DSCAM: variants seen among roughly 807,000 people sequenced by gnomAD.
The protein encoded by DSCAM is cell adhesion molecule DSCAM.
In DSCAM, 47 loss-of-function variants were observed where a neutral mutation model predicts 217.7. The observed-to-expected ratio is 0.22, with a 90% CI of 0.17 to 0.28. DSCAM has a LOEUF of 0.28. DSCAM is among the 10% of genes least tolerant of loss of function. DSCAM has a pLI of 1.00. For missense variants in DSCAM, 2,080 were observed against 2,618.3 expected, an observed-to-expected ratio of 0.79 and a Z score of 4.49; for synonymous variants, 1,056 against 1,015.3, an observed-to-expected ratio of 1.04 and a Z score of -0.76.
rs2088055536 is a variant in DSCAM at position 40,011,523 on chromosome 21, CT to C, written c.*1510del. 1 of 152,184 alleles carries C rather than the reference CT, an allele frequency of 6.6e-6. No homozygotes were observed. The highest frequency in any genetic ancestry group is 2.1e-4 in the South Asian group (1 of 4,832). 9.4% of individuals were successfully genotyped at this position (152,184 alleles called of 1,614,324 possible). A position where few individuals can be genotyped will look rare whatever the true frequency, so the allele number is the denominator to read the frequency against. On this transcript the variant is annotated 3_prime_UTR_variant, in exon 33 of 33. Coordinates refer to ENST00000400454, the MANE Select transcript of DSCAM (RefSeq NM_001389.5). ...TCATGTTTTCTGGTTAATGCCAAATCTCTGACACAAAGACCTGTTTATCTTT... is the reference window on the plus strand; with the variant it reads ...TCATGTTTTCTGGTTAATGCCAAATCCTGACACAAAGACCTGTTTATCTTT...
At chr21:40,605,350 G>T (rs1299014693) in intron 3 of DSCAM, among the ~76,000 whole-genome samples, 4 of 152,126 alleles carry the variant, frequency 2.6e-5, no homozygotes, top group African/African-American at 7.2e-5. Flanking sequence ...GATGAATCCA[G>T]AAAAGTCATA....
At chr21:40,487,171 A>G (rs928818962) in intron 3 of DSCAM, among the ~76,000 whole-genome samples, 1 of 151,874 alleles carries the variant, frequency 6.6e-6, no homozygotes, top group Non-Finnish European at 1.5e-5. Context: ...TGACTTATCT[A>G]TGGGTTCATG....
chr21:40,075,149 C>A lies in DSCAM; in HGVS notation c.4776G>T (p.Gly1592=), dbSNP rs773110897. ...QNEEGLTTNE[G]LKMLVTISCI... ...AGGAGATGGTCACCAGCATCTTGAG[C>A]CCCTCGTTGGTCGTCAGCCCTTCTT... The change falls in exon 27 of 33, where the codon GGG becomes GGT. Residue 1592 remains glycine, a synonymous_variant. Transcript: ENST00000400454. 7 of 1,614,076 alleles carry A rather than the reference C, an allele frequency of 4.3e-6. No individual in the cohort carries two copies. The highest frequency in any genetic ancestry group is 3.4e-6 in the Non-Finnish European group (4 of 1,180,040).
At chr21:40,413,111 C>T (rs1482721155) in intron 3 of DSCAM, among the ~76,000 whole-genome samples, 1 of 152,234 alleles carries the variant, frequency 6.6e-6, no homozygotes, top group Non-Finnish European at 1.5e-5. Context: ...ATGGAAATGC[C>T]TGGATGCCCA....
At chr21:40,577,763 A>T (rs462992) in intron 3 of DSCAM, among the ~76,000 whole-genome samples, 14 of 152,024 alleles carry the variant, frequency 9.2e-5, no homozygotes, top group East Asian at 3.9e-4. Flanking sequence ...AGGATAAATG[A>T]TTACAGGAAA....
chr21:40,586,408 A>T (rs950341600), intron 3 of DSCAM, among the ~76,000 whole-genome samples: 3 of 152,228 alleles, frequency 2.0e-5, no homozygotes, highest in Non-Finnish European at 4.4e-5. Flanking sequence ...TGTGTCCCAG[A>T]GACAGAGTTG....
intron 29 of DSCAM, among the ~76,000 whole-genome samples, chr21:40,055,469 C>T (rs531526490): frequency 7.0e-4 from 107 of 152,202 alleles, no homozygotes; most frequent in African/African-American, 2.4e-3. Context: ...TGGATCAGAG[C>T]TGAGGGATTT....
rs1240253673 is a variant in DSCAM at position 40,217,344 on chromosome 21, T to A, written c.2357-28106A>T. Among the ~76,000 whole-genome samples, 3 of 152,232 alleles carry A rather than the reference T, an allele frequency of 2.0e-5. No homozygotes were observed. The East Asian group carries it at 5.8e-4, about 29-fold the overall frequency. ...GCACATTTTCTTCTATCTAAAAAGA[T>A]ATGATTTCTGAGCCTTGTCAACATA... On this transcript the variant is annotated intron_variant, in intron 11 of 32. Transcript: ENST00000400454.
intron 3 of DSCAM, among the ~76,000 whole-genome samples, chr21:40,602,811 C>G (rs1001030206): frequency 6.6e-6 from 1 of 151,850 alleles, no homozygotes; most frequent in Non-Finnish European, 1.5e-5. Flanking sequence ...TACTGGTTTC[C>G]TGGTCTCAAT....
intron 3 of DSCAM, among the ~76,000 whole-genome samples, chr21:40,639,070 C>T (rs932165523): frequency 3.1e-5 from 4 of 130,930 alleles, no homozygotes; most frequent in Admixed American, 8.6e-5. Context: ...CCATAAATAT[C>T]CTGCATTTTT....
chr21:40,400,210 G>A (rs1242688601), intron 3 of DSCAM, among the ~76,000 whole-genome samples: 1 of 151,994 alleles, frequency 6.6e-6, no homozygotes, highest in Non-Finnish European at 1.5e-5. Flanking sequence ...ATTTAGTGTG[G>A]TAGAAATCTT....
intron 11 of DSCAM, among the ~76,000 whole-genome samples, chr21:40,217,606 T>C (rs2091255110): frequency 6.6e-6 from 1 of 152,210 alleles, no homozygotes; most frequent in Non-Finnish European, 1.5e-5. Context: ...TGAACTAATT[T>C]ACACTTCCAC....
rs571973304 is a variant in DSCAM, at chr21:40,825,479, G to A, written c.43+21140C>T. Among the ~76,000 whole-genome samples, 733 of 152,028 alleles carry A rather than the reference G, an allele frequency of 4.8e-3. 5 individuals are homozygous for A. The highest frequency in any genetic ancestry group is 0.017 in the African/African-American group (696 of 41,472). On this transcript the variant is annotated intron_variant, in intron 1 of 32. Coordinates refer to ENST00000400454, the MANE Select transcript of DSCAM (RefSeq NM_001389.5). Reference sequence around the variant, plus strand: ...ATTACAGGCACTTACCACCACGCCCGGCTAATTTTTGTATTTTTAGTAGAG... The same window carrying A: ...ATTACAGGCACTTACCACCACGCCCAGCTAATTTTTGTATTTTTAGTAGAG...
chr21:40,386,264 G>A (rs2075083903), intron 3 of DSCAM, among the ~76,000 whole-genome samples: 1 of 152,196 alleles, frequency 6.6e-6, no homozygotes. Flanking sequence ...AATGGATTTT[G>A]TAAACTTTGC....
chr21:40,591,073 G>A (rs554127231), intron 3 of DSCAM, among the ~76,000 whole-genome samples: 4 of 151,784 alleles, frequency 2.6e-5, no homozygotes, highest in Non-Finnish European at 5.9e-5. Flanking sequence ...TGCTGTTCTC[G>A]TGATAGTGAA....
chr21:40,566,925 G>A (rs1039349588), intron 3 of DSCAM, among the ~76,000 whole-genome samples: 13 of 152,054 alleles, frequency 8.5e-5, no homozygotes, highest in Non-Finnish European at 1.9e-4. Context: ...ATGGACACAG[G>A]TTGAAGATGA....
At chr21:40,434,508 A>T (rs913001988) in intron 3 of DSCAM, among the ~76,000 whole-genome samples, 4 of 152,146 alleles carry the variant, frequency 2.6e-5, no homozygotes, top group Non-Finnish European at 4.4e-5. Context: ...TAGCCACTGT[A>T]GGATGGTAGC....
chr21:40,151,516 CTG>C (rs1420075340), intron 16 of DSCAM, among the ~76,000 whole-genome samples: 1 of 152,190 alleles, frequency 6.6e-6, no homozygotes, highest in African/African-American at 2.4e-5. Flanking sequence ...GGCTTCAACA[CTG>C]TGGATGTTCT....
chr21:40,080,282 G>A lies in DSCAM; in HGVS notation c.4290C>T (p.Ser1430=). The A allele has an allele frequency of 6.2e-7, 1 of 1,613,424 alleles. No homozygotes were observed. Among genetic ancestry groups the A allele is most frequent in the Non-Finnish European group, 8.5e-7 (1 of 1,179,872 alleles). Residue 1430 remains serine (S), a synonymous_variant, in exon 25 of 33, where the codon AGC becomes AGT. Transcript: ENST00000400454. The part of the protein sequence containing the change: ...NSEQWGSFPI[S]PSERSYRLEN... ...CCAAGCGATAGGAACGTTCGCTGGG[G>A]CTGATTGGAAAACTCCCCCACTGCT...
Sources: allele counts gnomAD v4.1 joint callset (sites outside exome capture counted in the v4.1 genomes callset), GRCh38; gene constraint gnomAD v4.1.1; transcripts MANE v1.5; gene names NCBI Gene and HGNC (gene_info 2026-07-23, HGNC 2026-07-21).